The following PCDHGA1 variants were observed in gnomAD, a reference collection of about 807,000 sequenced individuals.
PCDHGA1 encodes protocadherin gamma subfamily A, 1, also known as protocadherin gamma-A1.
Under a neutral mutation model 58.0 loss-of-function variants are expected in PCDHGA1, and 32 were observed. The ratio of observed to expected loss-of-function variants is 0.55; its 90% CI spans 0.42 to 0.74. The LOEUF is 0.74. PCDHGA1 is among the 30% of genes least tolerant of loss of function. The probability of loss-of-function intolerance (pLI) is 0.00; values close to 1 mark genes in which losing one functional copy is unlikely to be tolerated. For synonymous variants in PCDHGA1, 498 were observed against 501.1 expected, an observed-to-expected ratio of 0.99 and a Z score of 0.08; for missense variants, 1,205 against 1,182.3, an observed-to-expected ratio of 1.02 and a Z score of -0.28.
At chr5:141,483,694 C>T (rs915328297) in intron 1 of PCDHGA1, among the ~76,000 whole-genome samples, 3 of 151,952 alleles carry the variant, frequency 2.0e-5, no homozygotes, top group African/African-American at 4.8e-5. Flanking sequence ...AGCCAGATTC[C>T]TCTTTTTGAC....
At chr5:141,463,847 G>T (rs922334975) in intron 1 of PCDHGA1, among the ~76,000 whole-genome samples, 9 of 152,158 alleles carry the variant, frequency 5.9e-5, no homozygotes, top group African/African-American at 2.2e-4. Context: ...TGTTATAGTG[G>T]TATATCTGGT....
intron 1 of PCDHGA1, among the ~76,000 whole-genome samples, chr5:141,420,877 G>T (rs566962587): frequency 3.9e-5 from 6 of 152,338 alleles, no homozygotes; most frequent in African/African-American, 1.4e-4. Context: ...TGTAAGTATT[G>T]TGTATCATCG....
chr5:141,360,460 G>A, intron 1 of PCDHGA1: 1 of 1,613,936 alleles, frequency 6.2e-7, no homozygotes, highest in Non-Finnish European at 8.5e-7. Context: ...TTTCGATACT[G>A]TCGCTGAAAA....
rs750017218 is a variant in PCDHGA1, at chr5:141,331,862, A to C, written c.1178A>C (p.Lys393Thr). ...TTCATTCCTGGAAATTTACCCTTTAAATTGGAAAAGTTAGTTGATAATTAT... is the reference window on the plus strand; with the variant it reads ...TTCATTCCTGGAAATTTACCCTTTACATTGGAAAAGTTAGTTGATAATTAT... ...TCFIPGNLPF[K>T]LEKLVDNYYR... is the part of the protein sequence containing the mutation. Residue 393 changes from lysine to threonine, a missense_variant, in exon 1 of 4, where the codon AAA (lysine) becomes ACA (threonine). Lys to Thr is a moderately conservative substitution (Grantham distance 78). Transcript: ENST00000517417. The C allele has an allele frequency of 1.6e-5, 26 of 1,614,044 alleles. No individual in the cohort carries two copies. The highest frequency in any genetic ancestry group is 1.6e-4 in the Middle Eastern group (1 of 6,084).
chr5:141,468,419 G>A (rs1733006381), intron 1 of PCDHGA1: 1 of 151,826 alleles, frequency 6.6e-6, no homozygotes, highest in Admixed American at 6.6e-5. Flanking sequence ...AAGTTAGATA[G>A]CAAGGTAATA....
intron 1 of PCDHGA1, chr5:141,339,474 A>G: frequency 6.2e-7 from 1 of 1,614,220 alleles, no homozygotes; most frequent in Non-Finnish European, 8.5e-7. Context: ...AACGCCCTTC[A>G]GAAGTACGCA....
At chr5:141,340,721 C>G (rs780548253) in intron 1 of PCDHGA1, 1 of 1,614,116 alleles carries the variant, frequency 6.2e-7, no homozygotes, top group East Asian at 2.2e-5. Flanking sequence ...CTCCGCAGAG[C>G]CCGGCTACCT....
At chr5:141,366,560 G>A (rs1441467698) in intron 1 of PCDHGA1, 2 of 1,614,132 alleles carry the variant, frequency 1.2e-6, no homozygotes, top group Non-Finnish European at 1.7e-6. Flanking sequence ...TGTGGGCGTG[G>A]ATGGGGTTCG....
At chr5:141,467,431 C>T (rs1452587540) in intron 1 of PCDHGA1, among the ~76,000 whole-genome samples, 1 of 152,170 alleles carries the variant, frequency 6.6e-6, no homozygotes, top group African/African-American at 2.4e-5. Flanking sequence ...GTTATAGAAA[C>T]ATTCATTACT....
rs757024742 is a variant in PCDHGA1, at chr5:141,330,949, AG to A, written c.267del (p.Ile90Ter). On this transcript the variant is annotated frameshift_variant, in exon 1 of 4. Coordinates refer to ENST00000517417, the MANE Select transcript of PCDHGA1 (RefSeq NM_018912.3). LOFTEE classifies it high-confidence loss of function. ...AAGTGGCAGCTTGATCACCGCGCGC[AG>A]GATAGACCGGGAGGAGCTCTGCGCT... ...PRSGSLITARRIDREELCAQS... is the reference protein window; with the variant it reads ...PRSGSLITARXIDREELCAQS... 6.2e-7 allele frequency: 1 copy of A among 1,614,236 alleles called. No individual in the cohort carries two copies. The highest frequency in any genetic ancestry group is 1.1e-5 in the South Asian group (1 of 91,078).
intron 1 of PCDHGA1, chr5:141,393,455 C>T (rs1007871650): frequency 2.1e-5 from 34 of 1,613,942 alleles, no homozygotes; most frequent in Non-Finnish European, 2.9e-5. Flanking sequence ...TCCTCACGGC[C>T]TCGGATGGCG....
chr5:141,438,308 C>G (rs2097949954), intron 1 of PCDHGA1, among the ~76,000 whole-genome samples: 1 of 151,766 alleles, frequency 6.6e-6, no homozygotes, highest in Non-Finnish European at 1.5e-5. Context: ...GAAGTTGGTA[C>G]CACCATAATT....
At chr5:141,415,937 C>T (rs939831077) in intron 1 of PCDHGA1, 8 of 587,822 alleles carry the variant, frequency 1.4e-5, no homozygotes, top group Non-Finnish European at 2.0e-5. Context: ...TATATTTCCT[C>T]CTGGGTGGTC....
At chr5:141,435,941 A>G (rs1354198135) in intron 1 of PCDHGA1, among the ~76,000 whole-genome samples, 1 of 152,170 alleles carries the variant, frequency 6.6e-6, no homozygotes, top group Non-Finnish European at 1.5e-5. Flanking sequence ...TGCTTCTGAG[A>G]CCAAAAAAGG....
chr5:141,483,445 C>T (rs1332037230), intron 1 of PCDHGA1, among the ~76,000 whole-genome samples: 1 of 152,106 alleles, frequency 6.6e-6, no homozygotes, highest in Admixed American at 6.5e-5. Context: ...ACAATAAAAT[C>T]ATCAGGACTT....
At chr5:141,384,048 C>T in intron 1 of PCDHGA1, 2 of 1,611,890 alleles carry the variant, frequency 1.2e-6, no homozygotes, top group Non-Finnish European at 1.7e-6. Context: ...GTGAGGTGAC[C>T]TGCACCATTC....
chr5:141,366,498 G>A, intron 1 of PCDHGA1: 1 of 1,614,246 alleles, frequency 6.2e-7, no homozygotes, highest in Non-Finnish European at 8.5e-7. Flanking sequence ...CACAAGTCAC[G>A]CCTGCTTCAG....
At chr5:141,355,502 A>C in intron 1 of PCDHGA1, 1 of 1,614,064 alleles carries the variant, frequency 6.2e-7, no homozygotes, top group Non-Finnish European at 8.5e-7. Flanking sequence ...AGATCTCCAA[A>C]CTGTGTGACA....
intron 1 of PCDHGA1, chr5:141,403,607 G>T: frequency 6.2e-7 from 1 of 1,613,858 alleles, no homozygotes; most frequent in Non-Finnish European, 8.5e-7. Flanking sequence ...GGATGGCGGC[G>T]AGCCGCGTCG....
Sources: allele counts gnomAD v4.1 joint callset (sites outside exome capture counted in the v4.1 genomes callset), GRCh38; gene constraint gnomAD v4.1.1; transcripts MANE v1.5; gene names NCBI Gene and HGNC (gene_info 2026-07-23, HGNC 2026-07-21).